The following ALMS1 variants were observed in gnomAD, a reference collection of about 807,000 sequenced individuals.
ALMS1 encodes ALMS1 centrosome and basal body associated protein.
A neutral mutation model predicts 352.2 loss-of-function variants in ALMS1; 271 were observed. The ratio of observed to expected loss-of-function variants is 0.77; its 90% CI spans 0.70 to 0.85. The LOEUF is 0.85. Ranked by LOEUF, ALMS1 falls within the 40% of genes least tolerant of loss-of-function variation. ALMS1 has a pLI of 0.00. For synonymous variants in ALMS1, 1,865 were observed against 1,761.2 expected, an observed-to-expected ratio of 1.06 and a Z score of -1.48; for missense variants, 5,445 against 4,870.7, an observed-to-expected ratio of 1.12 and a Z score of -3.51.
At chr2:73,585,712 A>G (rs1465596375) in intron 16 of ALMS1, among the ~76,000 whole-genome samples, 1 of 132,718 alleles carries the variant, frequency 7.5e-6, no homozygotes, top group Non-Finnish European at 1.6e-5. Flanking sequence ...TCATTTTTGC[A>G]TACACTTCTT....
intron 12 of ALMS1, among the ~76,000 whole-genome samples, chr2:73,544,862 T>G (rs904389203): frequency 1.3e-5 from 2 of 152,168 alleles, no homozygotes; most frequent in Non-Finnish European, 2.9e-5. Context: ...TAATGGAGTA[T>G]TATTCAGCCT....
In ALMS1 at chr2:73,561,396, T is replaced by G. The variant is rs558160534; in HGVS notation, c.10384+2254T>G. On this transcript the variant is annotated intron_variant, in intron 15 of 22. Coordinates refer to ENST00000613296, the MANE Select transcript of ALMS1 (RefSeq NM_001378454.1). ...CACATTACATAATATTATCAAGACT[T>G]TTCCTGGGTCTGGGCTGTGCCTGTT... is the stretch of plus-strand genomic sequence containing the variant. Among the ~76,000 whole-genome samples the G allele has an allele frequency of 2.3e-4, 35 of 152,342 alleles. 2 individuals carry two copies. The South Asian group carries it at 6.8e-3, about 30-fold the overall frequency.
intron 10 of ALMS1, among the ~76,000 whole-genome samples, chr2:73,492,435 A>T (rs1673010541): frequency 6.6e-6 from 1 of 152,144 alleles, no homozygotes; most frequent in African/African-American, 2.4e-5. Flanking sequence ...GTGCCAAAAG[A>T]TGTTGTTTGT....
intron 16 of ALMS1, among the ~76,000 whole-genome samples, chr2:73,584,914 G>A (rs1200418641): frequency 6.6e-6 from 1 of 151,994 alleles, no homozygotes; most frequent in East Asian, 1.9e-4. Flanking sequence ...ACCTCACTTA[G>A]AAGAATGGTC....
intron 15 of ALMS1, among the ~76,000 whole-genome samples, chr2:73,567,261 A>G (rs1316512103): frequency 6.6e-6 from 1 of 152,218 alleles, no homozygotes; most frequent in African/African-American, 2.4e-5. Flanking sequence ...CACCTCATTA[A>G]TGTAAACTCA....
chr2:73,440,934 G>T (rs1480114754), intron 7 of ALMS1, among the ~76,000 whole-genome samples: 2 of 152,266 alleles, frequency 1.3e-5, no homozygotes, highest in East Asian at 1.9e-4. Context: ...TTAGTTTTCA[G>T]GGGAGTTGCA....
chr2:73,393,680 T>TA (rs1163090903), intron 1 of ALMS1, among the ~76,000 whole-genome samples: 1 of 152,246 alleles, frequency 6.6e-6, no homozygotes, highest in Non-Finnish European at 1.5e-5. Context: ...CACCATTTGT[T>TA]AAAGAGGCTG....
In ALMS1 at chr2:73,446,924, C is replaced by T. The variant is rs1015169402; in HGVS notation, c.1433-1036C>T. Among the ~76,000 whole-genome samples, 6 of 152,092 alleles carry T rather than the reference C, an allele frequency of 3.9e-5. No individual in the cohort carries two copies. The South Asian group carries it at 8.3e-4, about 21-fold the overall frequency. On this transcript the variant is annotated intron_variant, in intron 7 of 22. Coordinates refer to ENST00000613296, the MANE Select transcript of ALMS1 (RefSeq NM_001378454.1). Reference sequence around the variant, plus strand: ...ATCTTTGCAACTCGGTTTCCCTATACGTAAAAAATAGATAATACTTGCTCT... The same window carrying T: ...ATCTTTGCAACTCGGTTTCCCTATATGTAAAAAATAGATAATACTTGCTCT...
intron 10 of ALMS1, among the ~76,000 whole-genome samples, chr2:73,518,857 T>TC (rs1273303741): frequency 1.3e-5 from 2 of 152,218 alleles, no homozygotes; most frequent in African/African-American, 2.4e-5. Flanking sequence ...AATATTTTCT[T>TC]CCATTCTATA....
chr2:73,543,080 AAAGCT>A (rs1674226254), intron 12 of ALMS1, among the ~76,000 whole-genome samples: 1 of 152,242 alleles, frequency 6.6e-6, no homozygotes, highest in African/African-American at 2.4e-5. Context: ...ACAAAAGGAC[AAAGCT>A]GGAGGCATGA....
chr2:73,440,236 G>T (rs1486397675), intron 7 of ALMS1, among the ~76,000 whole-genome samples: 2 of 152,058 alleles, frequency 1.3e-5, no homozygotes, highest in Non-Finnish European at 2.9e-5. Flanking sequence ...ACCTGCCTCA[G>T]TCTCCCAAAG....
chr2:73,609,578 A>T lies in ALMS1; in HGVS notation c.12473A>T (p.Asn4158Ile), dbSNP rs752828644. Residue 4158 changes from asparagine (N) to isoleucine (I), a missense_variant, in exon 23 of 23, where the codon AAT becomes ATT. Asn to Ile is a moderately radical substitution (Grantham distance 149, BLOSUM62 -3). Transcript: ENST00000613296. ...TCTTTTCTTCTACAGAGAGTGACCA[A>T]TCAACTTCTGGGGAGAAAAGTTCCC... ...RAQLYKKRVT[N>I]QLLGRKVPWD The T allele has an allele frequency of 2.5e-6, 4 of 1,614,014 alleles. No individual in the cohort carries two copies. The African/African-American group carries it at 5.3e-5, about 22-fold the overall frequency.
intron 6 of ALMS1, among the ~76,000 whole-genome samples, chr2:73,431,495 A>G (rs1671498527): frequency 1.3e-5 from 2 of 152,320 alleles, no homozygotes; most frequent in African/African-American, 4.8e-5. Context: ...AATTTGGTGA[A>G]AAGTTGTACA....
At chr2:73,428,004 T>G (rs1671414907) in intron 6 of ALMS1, among the ~76,000 whole-genome samples, 1 of 152,126 alleles carries the variant, frequency 6.6e-6, no homozygotes, top group Non-Finnish European at 1.5e-5. Context: ...ACAAAGATAT[T>G]ATGATGAACT....
At chr2:73,608,674 C>A in intron 22 of ALMS1, 100 bp downstream of exon 22, 1 of 936,830 alleles carries the variant, frequency 1.1e-6, no homozygotes, top group Non-Finnish European at 1.7e-6. Context: ...TCAGAATGAA[C>A]CGCATTTGAG....
chr2:73,481,122 T>G (rs1672693707), intron 9 of ALMS1, among the ~76,000 whole-genome samples: 1 of 152,196 alleles, frequency 6.6e-6, no homozygotes, highest in African/African-American at 2.4e-5. Context: ...TGCCATTGCT[T>G]TTGGTGTTTT....
chr2:73,445,968 A>T (rs756746199), intron 7 of ALMS1, among the ~76,000 whole-genome samples: 1 of 152,198 alleles, frequency 6.6e-6, no homozygotes, highest in Non-Finnish European at 1.5e-5. Flanking sequence ...ACCATTTTTC[A>T]TCATGAACTC....
rs1675665364 is a variant in ALMS1 at position 73,600,794 on chromosome 2, T to C, written c.11785T>C (p.Ser3929Pro). Residue 3929 changes from serine to proline, a missense_variant, in exon 18 of 23, where the codon TCA (serine) becomes CCA (proline). By Grantham distance (74) the Ser-to-Pro change is moderately conservative. Transcript: ENST00000613296. ...LEENSDVTSW[S>P]EEKREEKMLF... is the part of the protein sequence containing the mutation. ...AGAGAACAGTGATGTGACTTCTTGGTCAGAAGAAAAACGTGAAGAGAAAAT... is the reference window on the plus strand; with the variant it reads ...AGAGAACAGTGATGTGACTTCTTGGCCAGAAGAAAAACGTGAAGAGAAAAT... 7 of 1,614,162 alleles carry C rather than the reference T, an allele frequency of 4.3e-6. No homozygotes were observed. The highest frequency in any genetic ancestry group is 5.9e-6 in the Non-Finnish European group (7 of 1,180,016).
At chr2:73,574,197 A>G (rs551311442) in intron 16 of ALMS1, among the ~76,000 whole-genome samples, 30 of 152,206 alleles carry the variant, frequency 2.0e-4, no homozygotes, top group Non-Finnish European at 2.9e-4. Context: ...ACCACAGTGC[A>G]ACAAAGAGTA....
Sources: gnomAD v4.1 joint callset for allele counts (sites outside exome capture counted in the v4.1 genomes callset) on GRCh38, gnomAD v4.1.1 for gene constraint, MANE v1.5 for transcripts, NCBI Gene and HGNC (gene_info 2026-07-23, HGNC 2026-07-21) for gene names.